The following SLC41A3 variants were observed in gnomAD, a reference collection of about 807,000 sequenced individuals.
SLC41A3 encodes solute carrier family 41 member 3.
In SLC41A3, 44 loss-of-function variants were observed where a neutral mutation model predicts 45.4. That is an observed-to-expected ratio of 0.97 (90% CI 0.76 to 1.25). The LOEUF is 1.25. SLC41A3 is among the 50% of genes most tolerant of loss of function. SLC41A3 has a pLI of 0.00. For missense variants in SLC41A3, 550 were observed against 600.6 expected (o/e 0.92, Z 0.88); for synonymous variants, 256 against 252.4 (o/e 1.01, Z -0.13).
At chr3:126,022,042 C>T (rs1488156412) in intron 6 of SLC41A3, among the ~76,000 whole-genome samples, 1 of 152,078 alleles carries the variant, frequency 6.6e-6, no homozygotes. Context: ...AAGCAAACAA[C>T]ACACTTGATT....
chr3:126,059,297 AGAAAGAAAGAAAGG>A (rs1943913471), intron 2 of SLC41A3, among the ~76,000 whole-genome samples: 1 of 140,166 alleles, frequency 7.1e-6, no homozygotes, highest in Non-Finnish European at 1.6e-5. Flanking sequence ...AAAGAAAGAA[AGAAAGAAAGAAAGG>A]AAGGATGATC....
intron 3 of SLC41A3, 134 bp from the exon 4 acceptor site, chr3:126,033,812 G>A (rs1456985878): frequency 1.1e-6 from 1 of 911,898 alleles, no homozygotes; most frequent in Non-Finnish European, 1.7e-6. Flanking sequence ...AAATTCCTCT[G>A]CTCAGCTCTC....
intron 1 of SLC41A3, among the ~76,000 whole-genome samples, chr3:126,071,304 CA>C (rs2108037474): frequency 6.6e-6 from 1 of 152,190 alleles, no homozygotes; most frequent in Non-Finnish European, 1.5e-5. Context: ...ATTCTTACTA[CA>C]GACAAAGAAG....
At chr3:126,048,129 C>T (rs1576304506) in intron 3 of SLC41A3, among the ~76,000 whole-genome samples, 2 of 152,258 alleles carry the variant, frequency 1.3e-5, no homozygotes, top group East Asian at 3.9e-4. Context: ...TGAAAAGATG[C>T]TCACCATCAC....
At chr3:126,100,999 C>CA (rs1945696619) in intron 1 of SLC41A3, among the ~76,000 whole-genome samples, 1 of 152,234 alleles carries the variant, frequency 6.6e-6, no homozygotes, top group African/African-American at 2.4e-5. Flanking sequence ...GCTTATTTCC[C>CA]ACAGAATAGC....
chr3:126,006,909 A>C lies in SLC41A3; in HGVS notation c.*107T>G. 1 of 1,558,130 alleles carries C rather than the reference A, an allele frequency of 6.4e-7. No individual in the cohort carries two copies. The highest frequency in any genetic ancestry group is 8.7e-7 in the Non-Finnish European group (1 of 1,153,138). On this transcript the variant is annotated 3_prime_UTR_variant, in exon 11 of 11. Transcript: ENST00000360370. ...GCAGACTCACAAAAGGCTACTGCAG[A>C]GGCAGGGGTCAACCATCCCAAGGAC...
chr3:126,077,413 T>C (rs1301266742), intron 1 of SLC41A3, among the ~76,000 whole-genome samples: 1 of 151,980 alleles, frequency 6.6e-6, no homozygotes, highest in Non-Finnish European at 1.5e-5. Context: ...AAATAACACT[T>C]TAAAAATCAC....
rs1436536658 is a variant in SLC41A3 at position 126,064,986 on chromosome 3, G to T, written c.273+2961C>A. 2.0e-5 allele frequency among the ~76,000 whole-genome samples: 3 copies of T among 152,262 alleles called. No homozygotes were observed. In the East Asian group the frequency reaches 5.8e-4, roughly 29 times the overall value. On this transcript the variant is annotated intron_variant, in intron 2 of 10. Transcript: ENST00000360370. ...TTCACCCAAGGGAGGTTTCTCCACTGCTGCCTTTGAAGATGGAAGGGCCAC... is the reference window on the plus strand; with the variant it reads ...TTCACCCAAGGGAGGTTTCTCCACTTCTGCCTTTGAAGATGGAAGGGCCAC...
At chr3:126,069,307 A>C (rs567230300) in intron 1 of SLC41A3, among the ~76,000 whole-genome samples, 11 of 152,170 alleles carry the variant, frequency 7.2e-5, no homozygotes, top group Admixed American at 1.3e-4. Context: ...GTGTGCACAC[A>C]GAGCCACTGG....
intron 3 of SLC41A3, among the ~76,000 whole-genome samples, chr3:126,034,170 C>G (rs1229643143): frequency 6.6e-6 from 1 of 152,204 alleles, no homozygotes; most frequent in African/African-American, 2.4e-5. Flanking sequence ...CTGAAGCTAG[C>G]CTTATCTCCA....
chr3:126,076,589 G>A (rs1944890497), intron 1 of SLC41A3, among the ~76,000 whole-genome samples: 1 of 152,126 alleles, frequency 6.6e-6, no homozygotes. Flanking sequence ...TCATTTATGA[G>A]ATAATATTAA....
At position 126,077,771 on chromosome 3, in the gene SLC41A3, G is replaced by A. The variant is rs183314934; in HGVS notation, c.-28+6322C>T. On this transcript the variant is annotated intron_variant, in intron 1 of 10. Coordinates refer to ENST00000360370, the MANE Select transcript of SLC41A3 (RefSeq NM_017836.4). ...TGCCCCACACTGTGCCTTGCAGCAG[G>A]GAGAAGCTGAGAGTCATGGCGCCTC... Among the ~76,000 whole-genome samples the A allele has an allele frequency of 2.6e-3, 395 of 152,314 alleles. 1 individual carries two copies. Among genetic ancestry groups the A allele is most frequent in the African/African-American group, 9.0e-3 (375 of 41,572 alleles).
rs761253277 is a variant in SLC41A3 at position 126,051,072 on chromosome 3, G to A, written c.274-22C>T. 3 of 1,568,694 alleles carry A rather than the reference G, an allele frequency of 1.9e-6. No individual in the cohort carries two copies. The African/African-American group carries it at 4.1e-5, about 21-fold the overall frequency. On this transcript the variant is annotated intron_variant, in intron 2 of 10. Coordinates refer to ENST00000360370, the MANE Select transcript of SLC41A3 (RefSeq NM_017836.4). ...AGTGCTGGTAGGGAAACAGTAAGGA[G>A]ATAAGCCAAACACACACATCAGCAA... is the stretch of plus-strand genomic sequence containing the variant.
rs566101860 is a variant in SLC41A3 at position 126,098,286 on chromosome 3, T to C, written c.-79+3143A>G. Reference sequence around the variant, plus strand: ...GTCCTTAGAAGAGATGGGAAAGAGATAGGGGAGACCTCCCTCTGCACAAGT... The same window carrying C: ...GTCCTTAGAAGAGATGGGAAAGAGACAGGGGAGACCTCCCTCTGCACAAGT... On this transcript the variant is annotated intron_variant, in intron 1 of 9. Coordinates refer to the SLC41A3 transcript ENST00000508835. Among the ~76,000 whole-genome samples the C allele has an allele frequency of 7.9e-5, 12 of 152,148 alleles. No homozygotes were observed. In the South Asian group the frequency reaches 1.5e-3, roughly 18 times the overall value.
upstream of SLC41A3, chr3:126,085,456 G>A (rs1411524624): frequency 6.6e-6 from 1 of 152,200 alleles, no homozygotes; most frequent in African/African-American, 2.4e-5. Flanking sequence ...GAAGATACCA[G>A]TGGGGCCCAT....
chr3:126,100,731 G>C (rs956067281), intron 1 of SLC41A3, among the ~76,000 whole-genome samples: 2 of 152,184 alleles, frequency 1.3e-5, no homozygotes, highest in Admixed American at 6.5e-5. Context: ...CGTGAATGAG[G>C]TCACCAGTCA....
rs145794905 is a variant in SLC41A3, at chr3:126,058,602, G to A, written c.274-7552C>T. Among the ~76,000 whole-genome samples, 8 of 152,074 alleles carry A rather than the reference G, an allele frequency of 5.3e-5. 1 individual carries two copies. Among genetic ancestry groups the A allele is most frequent in the South Asian group, 2.1e-4 (1 of 4,816 alleles). On this transcript the variant is annotated intron_variant, in intron 2 of 10. Transcript: ENST00000360370. The stretch of plus-strand genomic sequence containing the variant: ...TGCCCACAGACGCTGCCTTCACCAC[G>A]GCCCTTTGTCCCTCTAATCTGTCTC...
chr3:126,031,062 A>G (rs901162933), intron 4 of SLC41A3, among the ~76,000 whole-genome samples: 5 of 152,370 alleles, frequency 3.3e-5, no homozygotes, highest in African/African-American at 9.6e-5. Context: ...ACAAAAGTAC[A>G]AGTCACAGAA....
intron 8 of SLC41A3, among the ~76,000 whole-genome samples, chr3:126,014,582 A>G (rs1269295756): frequency 2.0e-5 from 3 of 152,232 alleles, no homozygotes; most frequent in Non-Finnish European, 4.4e-5. Flanking sequence ...CTCATGCACA[A>G]TGTGAAGGCA....
Sources: allele counts gnomAD v4.1 joint callset (sites outside exome capture counted in the v4.1 genomes callset), GRCh38; gene constraint gnomAD v4.1.1; transcripts MANE v1.5; gene names NCBI Gene and HGNC (gene_info 2026-07-23, HGNC 2026-07-21).